IL1RAPL1: variants seen among roughly 807,000 people sequenced by gnomAD.
IL1RAPL1 encodes interleukin 1 receptor accessory protein like 1.
A neutral mutation model predicts 48.4 loss-of-function variants in IL1RAPL1; 3 were observed. The observed-to-expected ratio is 0.06, with a 90% CI of 0.03 to 0.16. The LOEUF (loss-of-function observed/expected upper bound fraction) is 0.16. IL1RAPL1 is among the 10% of genes least tolerant of loss of function. The probability of loss-of-function intolerance (pLI) is 1.00; values close to 1 mark genes in which losing one functional copy is unlikely to be tolerated. For missense variants in IL1RAPL1, 349 were observed against 530.6 expected, an observed-to-expected ratio of 0.66 and a Z score of 3.36; for synonymous variants, 185 against 187.7, an observed-to-expected ratio of 0.99 and a Z score of 0.12.
chrX:28,733,413 C>T (rs1243046627), intron 1 of IL1RAPL1, among the ~76,000 whole-genome samples: 1 of 110,429 alleles, frequency 9.1e-6, no homozygotes, highest in Non-Finnish European at 1.9e-5. Context: ...TCTCTTAGAC[C>T]TCTTCCAGTC....
chrX:29,752,099 T>TAC (rs1424325254), intron 6 of IL1RAPL1, among the ~76,000 whole-genome samples: 11 of 99,666 alleles, frequency 1.1e-4, no homozygotes, highest in African/African-American at 4.0e-4. Flanking sequence ...TATATATATA[T>TAC]ATATACACAC....
chrX:29,732,154 A>G (rs1927936200), intron 6 of IL1RAPL1, among the ~76,000 whole-genome samples: 1 of 112,103 alleles, frequency 8.9e-6, no homozygotes, highest in Non-Finnish European at 1.9e-5. Flanking sequence ...GAATGGCCTA[A>G]ATAGGCTTAA....
intron 6 of IL1RAPL1, among the ~76,000 whole-genome samples, chrX:29,774,067 A>G (rs770726434): frequency 8.1e-5 from 9 of 110,976 alleles, no homozygotes; most frequent in African/African-American, 2.9e-4. Context: ...ATTTATAGGA[A>G]TCCTTCAGCA....
At chrX:29,759,496 T>C (rs1928704224) in intron 6 of IL1RAPL1, among the ~76,000 whole-genome samples, 1 of 111,799 alleles carries the variant, frequency 8.9e-6, no homozygotes, top group Non-Finnish European at 1.9e-5. Context: ...CAGTATGTAA[T>C]GTATGGTAGA....
chrX:28,665,436 G>T (rs1178061937), intron 1 of IL1RAPL1, among the ~76,000 whole-genome samples: 1 of 111,843 alleles, frequency 8.9e-6, no homozygotes, highest in Non-Finnish European at 1.9e-5. Flanking sequence ...TACACTGGGT[G>T]TCCTGTATTT....
intron 6 of IL1RAPL1, among the ~76,000 whole-genome samples, chrX:29,779,012 T>C (rs959954061): frequency 9.0e-6 from 1 of 111,482 alleles, no homozygotes; most frequent in Non-Finnish European, 1.9e-5. Context: ...TCCTGAGAAT[T>C]TGCATTTATA....
chrX:29,840,729 T>C (rs1005636577), intron 6 of IL1RAPL1, among the ~76,000 whole-genome samples: 1 of 111,600 alleles, frequency 9.0e-6, no homozygotes, highest in African/African-American at 3.3e-5. Context: ...CAGAGATAGA[T>C]AGAATTATAA....
At chrX:28,844,981 A>G (rs1043989347) in intron 2 of IL1RAPL1, among the ~76,000 whole-genome samples, 2 of 111,875 alleles carry the variant, frequency 1.8e-5, no homozygotes, top group Admixed American at 9.5e-5. Flanking sequence ...ATCTTGAGTG[A>G]TTTTGAAAGC....
rs987032288 is a variant in IL1RAPL1, at chrX:28,712,431, G to T, written c.-24-76889G>T. Reference sequence around the variant, plus strand: ...AGAGCATAGCACCCTGACAACCTGTGATGGACATACAGTGTGAACAAGAAA... The same window carrying T: ...AGAGCATAGCACCCTGACAACCTGTTATGGACATACAGTGTGAACAAGAAA... On this transcript the variant is annotated intron_variant, in intron 1 of 10. Transcript: ENST00000378993. Among the ~76,000 whole-genome samples the T allele has an allele frequency of 5.4e-5, 6 of 110,812 alleles. No homozygotes were observed. In the East Asian group the frequency reaches 1.1e-3, roughly 21 times the overall value.
At chrX:29,199,884 T>A (rs965838837) in intron 2 of IL1RAPL1, among the ~76,000 whole-genome samples, 1 of 111,695 alleles carries the variant, frequency 9.0e-6, no homozygotes, top group African/African-American at 3.3e-5. Context: ...TAGGAAAAAA[T>A]TTTTTCTGGG....
chrX:29,642,920 T>C (rs1310530153), intron 5 of IL1RAPL1, among the ~76,000 whole-genome samples: 1 of 112,142 alleles, frequency 8.9e-6, no homozygotes, highest in African/African-American at 3.2e-5. Context: ...CTCTAAACTA[T>C]ATAAACTATT....
intron 5 of IL1RAPL1, among the ~76,000 whole-genome samples, chrX:29,572,144 C>T (rs775983889): frequency 8.9e-6 from 1 of 111,792 alleles, no homozygotes; most frequent in African/African-American, 3.3e-5. Context: ...TATTCTCAAA[C>T]CAGTTTTGAA....
At chrX:29,297,723 CT>C (rs1932470255) in intron 3 of IL1RAPL1, among the ~76,000 whole-genome samples, 1 of 112,125 alleles carries the variant, frequency 8.9e-6, no homozygotes, top group Admixed American at 9.5e-5. Context: ...CGAGCTGGAT[CT>C]TTTGATTTCT....
At chrX:29,578,389 G>A (rs1199795587) in intron 5 of IL1RAPL1, among the ~76,000 whole-genome samples, 1 of 112,229 alleles carries the variant, frequency 8.9e-6, no homozygotes, top group Non-Finnish European at 1.9e-5. Flanking sequence ...TAAGGTTGTT[G>A]TGAGGATTAA....
At chrX:29,106,379 C>A (rs1357602411) in intron 2 of IL1RAPL1, among the ~76,000 whole-genome samples, 1 of 111,220 alleles carries the variant, frequency 9.0e-6, no homozygotes, top group Non-Finnish European at 1.9e-5. Context: ...AACAGGGATT[C>A]ATTCTTTCCT....
intron 2 of IL1RAPL1, among the ~76,000 whole-genome samples, chrX:29,186,111 G>A (rs1930246645): frequency 8.9e-6 from 1 of 112,041 alleles, no homozygotes; most frequent in Non-Finnish European, 1.9e-5. Flanking sequence ...TTGTTTTCAT[G>A]TTGATGTGTG....
chrX:28,891,817 A>T (rs1268662242), intron 2 of IL1RAPL1, among the ~76,000 whole-genome samples: 1 of 111,503 alleles, frequency 9.0e-6, no homozygotes, highest in Non-Finnish European at 1.9e-5. Flanking sequence ...AAACAGCTGC[A>T]TCATTTTTCA....
At chrX:28,956,475 T>C (rs1276703636) in intron 2 of IL1RAPL1, among the ~76,000 whole-genome samples, 5 of 110,346 alleles carry the variant, frequency 4.5e-5, no homozygotes, top group Admixed American at 3.9e-4. Context: ...GCATGAAGGG[T>C]TGCTGAATTT....
At chrX:29,410,056 A>C (rs1934122891) in intron 5 of IL1RAPL1, among the ~76,000 whole-genome samples, 1 of 110,675 alleles carries the variant, frequency 9.0e-6, no homozygotes, top group Non-Finnish European at 1.9e-5. Flanking sequence ...TCCCAACCTC[A>C]GGTGATCCAC....
Sources: gnomAD v4.1 joint callset for allele counts (sites outside exome capture counted in the v4.1 genomes callset) on GRCh38, gnomAD v4.1.1 for gene constraint, MANE v1.5 for transcripts, NCBI Gene and HGNC (gene_info 2026-07-23, HGNC 2026-07-21) for gene names.